The following GRID2 variants were observed in gnomAD, a reference collection of about 807,000 sequenced individuals.
GRID2 encodes glutamate receptor ionotropic, delta-2.
GRID2 carries 33 observed loss-of-function variants against 114.8 expected under a neutral mutation model. The ratio of observed to expected loss-of-function variants is 0.29; its 90% CI spans 0.22 to 0.38. The LOEUF (loss-of-function observed/expected upper bound fraction) is 0.38. GRID2 is among the 10% of genes least tolerant of loss of function. The probability of loss-of-function intolerance (pLI) is 1.00; values close to 1 mark genes in which losing one functional copy is unlikely to be tolerated. For missense variants in GRID2, 1,184 were observed against 1,257.7 expected, an observed-to-expected ratio of 0.94 and a Z score of 0.89; for synonymous variants, 505 against 449.9, an observed-to-expected ratio of 1.12 and a Z score of -1.55.
rs546091376 is a variant in GRID2 at position 93,586,961 on chromosome 4, G to A, written c.2194-39308G>A. ...GTTAAAAAATTCAAATAAAGTGAAAGTAATTAGAATAAATTATACATCCTC... is the reference window on the plus strand; with the variant it reads ...GTTAAAAAATTCAAATAAAGTGAAAATAATTAGAATAAATTATACATCCTC... On this transcript the variant is annotated intron_variant, in intron 13 of 15. Coordinates refer to ENST00000282020, the MANE Select transcript of GRID2 (RefSeq NM_001510.4). Among the ~76,000 whole-genome samples, 37 of 152,184 alleles carry A rather than the reference G, an allele frequency of 2.4e-4. 1 individual carries two copies. The highest frequency in any genetic ancestry group is 6.8e-3 in the Middle Eastern group (2 of 294).
At chr4:92,514,163 C>A (rs112814487) in intron 1 of GRID2, among the ~76,000 whole-genome samples, 5,134 of 151,878 alleles carry the variant, frequency 0.034, 83 homozygotes, top group South Asian at 0.08. Flanking sequence ...CCCATAACAG[C>A]CTTAATTTCA....
chr4:93,364,035 T>C (rs1449194236), intron 8 of GRID2, among the ~76,000 whole-genome samples: 1 of 152,114 alleles, frequency 6.6e-6, no homozygotes, highest in Non-Finnish European at 1.5e-5. Context: ...ATGTGTGTTG[T>C]ATTCATTGTA....
intron 1 of GRID2, among the ~76,000 whole-genome samples, chr4:92,549,750 A>C (rs1726481179): frequency 6.6e-6 from 1 of 152,194 alleles, no homozygotes; most frequent in Admixed American, 6.6e-5. Context: ...TAGTAGCTTA[A>C]AAAAGATGAT....
At chr4:92,353,575 G>A (rs1728176362) in intron 1 of GRID2, among the ~76,000 whole-genome samples, 1 of 151,870 alleles carries the variant, frequency 6.6e-6, no homozygotes, top group South Asian at 2.1e-4. Flanking sequence ...CGTCTTGTGT[G>A]CCTCCTTGAA....
At chr4:93,707,829 T>A (rs1043871151) in intron 14 of GRID2, among the ~76,000 whole-genome samples, 3 of 151,978 alleles carry the variant, frequency 2.0e-5, no homozygotes, top group African/African-American at 7.2e-5. Context: ...TGCTTATTGC[T>A]GTAAATCTTC....
intron 2 of GRID2, among the ~76,000 whole-genome samples, chr4:93,023,172 G>A (rs1723557725): frequency 6.7e-6 from 1 of 149,964 alleles, no homozygotes. Context: ...ATGTATCTTT[G>A]GATAATAACT....
chr4:93,586,870 T>G (rs1300357768), intron 13 of GRID2, among the ~76,000 whole-genome samples: 1 of 152,134 alleles, frequency 6.6e-6, no homozygotes, highest in Non-Finnish European at 1.5e-5. Flanking sequence ...TTCTCTTTCT[T>G]CTCTCTTTTT....
chr4:93,321,609 T>C (rs555197250), intron 8 of GRID2, among the ~76,000 whole-genome samples: 6 of 152,220 alleles, frequency 3.9e-5, no homozygotes, highest in South Asian at 2.1e-4. Flanking sequence ...TTGCCAATAG[T>C]TGAAACTTTT....
At chr4:93,114,161 A>G (rs1187341063) in intron 4 of GRID2, among the ~76,000 whole-genome samples, 1 of 152,148 alleles carries the variant, frequency 6.6e-6, no homozygotes, top group Admixed American at 6.6e-5. Context: ...TTGATGAGCT[A>G]AGACCCCAGA....
At chr4:92,481,317 G>A (rs148412777) in intron 1 of GRID2, among the ~76,000 whole-genome samples, 27 of 152,000 alleles carry the variant, frequency 1.8e-4, no homozygotes, top group African/African-American at 4.8e-4. Flanking sequence ...AAGAAATTAC[G>A]GAAAGAAAAA....
intron 2 of GRID2, among the ~76,000 whole-genome samples, chr4:92,831,893 A>G (rs558749266): frequency 2.0e-5 from 3 of 152,000 alleles, no homozygotes; most frequent in Non-Finnish European, 4.4e-5. Context: ...CATCTATATA[A>G]ATAAACCCCC....
chr4:92,809,739 T>C (rs1401647415), intron 2 of GRID2, among the ~76,000 whole-genome samples: 1 of 152,066 alleles, frequency 6.6e-6, no homozygotes, highest in African/African-American at 2.4e-5. Context: ...ATTTGTCCAC[T>C]GTATCACTAT....
chr4:93,366,330 CT>C (rs1762330493), intron 8 of GRID2, among the ~76,000 whole-genome samples: 2 of 152,140 alleles, frequency 1.3e-5, no homozygotes, highest in African/African-American at 4.8e-5. Context: ...ACTGGCACCC[CT>C]GGGCATGGTC....
At chr4:92,583,923 G>GTATATA (rs142984362) in intron 1 of GRID2, among the ~76,000 whole-genome samples, 16 of 147,904 alleles carry the variant, frequency 1.1e-4, no homozygotes, top group Non-Finnish European at 1.5e-4. Context: ...ACACATATAT[G>GTATATA]TATATATATA....
chr4:93,116,752 T>A (rs1480909966), intron 4 of GRID2, among the ~76,000 whole-genome samples: 1 of 122,426 alleles, frequency 8.2e-6, no homozygotes, highest in Non-Finnish European at 1.7e-5. Context: ...AGGAAGAGGG[T>A]TTTTTTTTTT....
intron 1 of GRID2, among the ~76,000 whole-genome samples, chr4:92,544,663 G>T (rs1726150484): frequency 6.6e-6 from 1 of 152,070 alleles, no homozygotes; most frequent in African/African-American, 2.4e-5. Flanking sequence ...GTGACCTGAT[G>T]AGGTAAAGTG....
chr4:93,730,507 C>T (rs1178710664), intron 14 of GRID2, among the ~76,000 whole-genome samples: 3 of 152,290 alleles, frequency 2.0e-5, no homozygotes, highest in East Asian at 1.9e-4. Context: ...TTAATCTCTT[C>T]CTGCAGTAGT....
chr4:93,215,023 A>G (rs1164344400), intron 5 of GRID2, among the ~76,000 whole-genome samples: 1 of 152,058 alleles, frequency 6.6e-6, no homozygotes, highest in Non-Finnish European at 1.5e-5. Flanking sequence ...TTATAAACTG[A>G]GAATAAATAG....
intron 8 of GRID2, among the ~76,000 whole-genome samples, chr4:93,250,562 A>AT (rs1262141379): frequency 6.7e-6 from 1 of 149,226 alleles, no homozygotes; most frequent in East Asian, 2.0e-4. Context: ...ACAAAAAAAA[A>AT]GTGGTATATT....
Sources: gnomAD v4.1 joint callset for allele counts (sites outside exome capture counted in the v4.1 genomes callset) on GRCh38, gnomAD v4.1.1 for gene constraint, MANE v1.5 for transcripts, NCBI Gene and HGNC (gene_info 2026-07-23, HGNC 2026-07-21) for gene names.